PDSS2: variants seen among roughly 807,000 people sequenced by gnomAD.
PDSS2 encodes all trans-polyprenyl-diphosphate synthase PDSS2.
Under a neutral mutation model 44.5 loss-of-function variants are expected in PDSS2, and 31 were observed. The ratio of observed to expected loss-of-function variants is 0.70; its 90% CI spans 0.52 to 0.94. The LOEUF (loss-of-function observed/expected upper bound fraction) is 0.94. PDSS2 is among the 40% of genes least tolerant of loss of function. PDSS2 has a pLI of 0.00. For synonymous variants in PDSS2, 157 were observed against 180.3 expected (o/e 0.87, Z 1.03); for missense variants, 452 against 482.2 (o/e 0.94, Z 0.59).
At chr6:107,232,787 C>T (rs1239219310) in intron 4 of PDSS2, among the ~76,000 whole-genome samples, 1 of 152,124 alleles carries the variant, frequency 6.6e-6, no homozygotes, top group East Asian at 1.9e-4. Flanking sequence ...TCTGACTTCC[C>T]AGCTAATGCT....
At chr6:107,287,316 C>T (rs1033421931) in intron 2 of PDSS2, among the ~76,000 whole-genome samples, 2 of 152,132 alleles carry the variant, frequency 1.3e-5, no homozygotes, top group Non-Finnish European at 2.9e-5. Flanking sequence ...CTTTCACATT[C>T]GCTTGAACAG....
At chr6:107,332,512 C>G (rs1777744287) in intron 2 of PDSS2, among the ~76,000 whole-genome samples, 1 of 152,022 alleles carries the variant, frequency 6.6e-6, no homozygotes, top group Non-Finnish European at 1.5e-5. Flanking sequence ...TAAAGATATG[C>G]TTACAAGATG....
intron 1 of PDSS2, among the ~76,000 whole-genome samples, chr6:107,436,880 A>G (rs1781365605): frequency 6.6e-6 from 1 of 152,268 alleles, no homozygotes; most frequent in African/African-American, 2.4e-5. Flanking sequence ...TAAAGTACAA[A>G]TTGAAAACAA....
chr6:107,458,939 A>T, intron 1 of PDSS2, 51 bp downstream of exon 1: 3 of 1,574,936 alleles, frequency 1.9e-6, no homozygotes, highest in Non-Finnish European at 2.6e-6. Context: ...CCGCCAGAAA[A>T]AAAAGTATTC....
rs113697845 is a variant in PDSS2 at position 107,443,783 on chromosome 6, C to A, written c.296+15207G>T. ...CCCACATGACCTGACTCATATCCTA[C>A]TTCATCTCTGGTAGTCTTCCATTTT... On this transcript the variant is annotated intron_variant, in intron 1 of 7. Coordinates refer to ENST00000369037, the MANE Select transcript of PDSS2 (RefSeq NM_020381.4). 9.2e-3 allele frequency among the ~76,000 whole-genome samples: 1,394 copies of A among 152,288 alleles called. 23 individuals carry two copies. Among genetic ancestry groups the A allele is most frequent in the African/African-American group, 0.028 (1,154 of 41,552 alleles).
At chr6:107,224,234 G>T (rs1773711081) in intron 4 of PDSS2, among the ~76,000 whole-genome samples, 1 of 151,276 alleles carries the variant, frequency 6.6e-6, no homozygotes. Context: ...GCTCATCCAG[G>T]ATCCATTTCT....
At chr6:107,423,711 C>T (rs1292623231) in intron 1 of PDSS2, among the ~76,000 whole-genome samples, 1 of 152,128 alleles carries the variant, frequency 6.6e-6, no homozygotes, top group African/African-American at 2.4e-5. Context: ...ATGCTGAAAT[C>T]ATCAAGAAGC....
At chr6:107,431,642 T>C (rs1221700263) in intron 1 of PDSS2, among the ~76,000 whole-genome samples, 3 of 152,156 alleles carry the variant, frequency 2.0e-5, no homozygotes, top group East Asian at 3.8e-4. Context: ...TCATCTATAA[T>C]ATTTTTGTGG....
intron 1 of PDSS2, among the ~76,000 whole-genome samples, chr6:107,402,482 A>ATATATACTTATATATATGTATATATG (rs1780157472): frequency 1.5e-5 from 2 of 132,156 alleles, no homozygotes; most frequent in African/African-American, 5.7e-5. Context: ...ATGTATACAT[A>ATATATACTTATATATATGTATATATG]TATACGTATA....
chr6:107,324,220 A>G (rs1041132905), intron 2 of PDSS2, among the ~76,000 whole-genome samples: 6 of 152,204 alleles, frequency 3.9e-5, no homozygotes, highest in Non-Finnish European at 7.3e-5. Context: ...TGGAGTTTAC[A>G]TTTACTGTTG....
chr6:107,280,693 C>A (rs1353094345), intron 2 of PDSS2, among the ~76,000 whole-genome samples: 1 of 152,096 alleles, frequency 6.6e-6, no homozygotes, highest in Non-Finnish European at 1.5e-5. Context: ...AACAAACAAA[C>A]AAACAAACAA....
intron 7 of PDSS2, among the ~76,000 whole-genome samples, chr6:107,164,178 T>TTA (rs1771252790): frequency 6.6e-6 from 1 of 152,056 alleles, no homozygotes; most frequent in Middle Eastern, 3.4e-3. Flanking sequence ...ATTTTTTTTT[T>TTA]AATTATACTT....
chr6:107,198,511 GAAAA>G (rs1772645526), intron 6 of PDSS2, among the ~76,000 whole-genome samples: 2 of 151,840 alleles, frequency 1.3e-5, no homozygotes, highest in Admixed American at 6.6e-5. Context: ...TTTATTTTAG[GAAAA>G]AACTCTGGTA....
chr6:107,317,044 T>C (rs537474290), intron 2 of PDSS2, among the ~76,000 whole-genome samples: 4 of 152,174 alleles, frequency 2.6e-5, no homozygotes, highest in Non-Finnish European at 4.4e-5. Context: ...ACTACTGCTC[T>C]ACGTTCATTT....
At chr6:107,188,085 A>G (rs916759679) in intron 7 of PDSS2, among the ~76,000 whole-genome samples, 1 of 152,130 alleles carries the variant, frequency 6.6e-6, no homozygotes, top group East Asian at 1.9e-4. Flanking sequence ...ATATATTAAC[A>G]TCAAATAAAG....
chr6:107,200,674 T>C (rs1772738022), intron 6 of PDSS2, among the ~76,000 whole-genome samples: 2 of 152,008 alleles, frequency 1.3e-5, no homozygotes, highest in Admixed American at 1.3e-4. Context: ...GATATTATTA[T>C]TATTATTATT....
chr6:107,159,777 C>T (rs1554246417), intron 7 of PDSS2, among the ~76,000 whole-genome samples: 1 of 152,112 alleles, frequency 6.6e-6, no homozygotes, highest in East Asian at 1.9e-4. Context: ...CAACATTCTC[C>T]TCCTATTCTA....
chr6:107,380,093 A>G (rs1192288750), intron 1 of PDSS2, among the ~76,000 whole-genome samples: 1 of 152,088 alleles, frequency 6.6e-6, no homozygotes, highest in Non-Finnish European at 1.5e-5. Flanking sequence ...GCCTGTGTTT[A>G]AAGTTTGTTG....
chr6:107,166,361 GTTTTTTTT>G (rs34385593), intron 7 of PDSS2, among the ~76,000 whole-genome samples: 1 of 100,958 alleles, frequency 9.9e-6, no homozygotes, highest in South Asian at 3.3e-4. Flanking sequence ...TTTATTGAGA[GTTTTTTTT>G]TTTTTTTTTT....
Sources: gnomAD v4.1 joint callset for allele counts (sites outside exome capture counted in the v4.1 genomes callset) on GRCh38, gnomAD v4.1.1 for gene constraint, MANE v1.5 for transcripts, NCBI Gene and HGNC (gene_info 2026-07-23, HGNC 2026-07-21) for gene names.